The following STPG2 variants were observed in gnomAD, a reference collection of about 807,000 sequenced individuals.
The protein encoded by STPG2 is sperm-tail PG-rich repeat-containing protein 2.
In STPG2, 56 loss-of-function variants were observed where a neutral mutation model predicts 54.2. That is an observed-to-expected ratio of 1.03 (90% CI 0.83 to 1.29). The LOEUF (loss-of-function observed/expected upper bound fraction) is 1.29, where lower values mean the gene tolerates loss of function less well. Among genes scored for constraint, STPG2 ranks in the 50% most tolerant of loss-of-function variants. The pLI, the probability that STPG2 is intolerant of heterozygous loss-of-function variation, is 0.00. For missense variants in STPG2, 596 were observed against 544.9 expected (o/e 1.09, Z -0.93); for synonymous variants, 200 against 181.8 (o/e 1.10, Z -0.81).
intron 3 of STPG2, among the ~76,000 whole-genome samples, chr4:98,112,416 A>C (rs567014289): frequency 6.6e-6 from 1 of 152,204 alleles, no homozygotes; most frequent in African/African-American, 2.4e-5. Flanking sequence ...ATTTGTGTAA[A>C]TATACTCTAT....
intron 9 of STPG2, among the ~76,000 whole-genome samples, chr4:97,801,767 AC>A (rs1248815816): frequency 1.3e-5 from 2 of 152,034 alleles, no homozygotes; most frequent in Admixed American, 6.6e-5. Context: ...GCAGGCCATG[AC>A]CCATTCTCAG....
chr4:98,131,092 T>G (rs1476857098), intron 2 of STPG2, among the ~76,000 whole-genome samples: 1 of 152,048 alleles, frequency 6.6e-6, no homozygotes, highest in Non-Finnish European at 1.5e-5. Flanking sequence ...TTCATGTGGT[T>G]TTTTCTGCAC....
intron 9 of STPG2, among the ~76,000 whole-genome samples, chr4:97,786,774 T>C (rs1352014860): frequency 2.0e-5 from 3 of 152,038 alleles, no homozygotes; most frequent in Non-Finnish European, 4.4e-5. Flanking sequence ...AATGCATTCA[T>C]GCTACACAGG....
chr4:97,780,992 A>G (rs1726585592), intron 9 of STPG2, among the ~76,000 whole-genome samples: 1 of 152,196 alleles, frequency 6.6e-6, no homozygotes, highest in Non-Finnish European at 1.5e-5. Context: ...AAGATCTAAA[A>G]TTGACACCCT....
At chr4:97,939,398 G>A (rs537746174) in intron 8 of STPG2, among the ~76,000 whole-genome samples, 42 of 152,290 alleles carry the variant, frequency 2.8e-4, no homozygotes, top group Non-Finnish European at 4.3e-4. Context: ...GTCTAATACC[G>A]TCAGTGGGGT....
intron 9 of STPG2, among the ~76,000 whole-genome samples, chr4:97,766,180 A>C (rs148510660): frequency 1.1e-4 from 17 of 152,220 alleles, no homozygotes; most frequent in African/African-American, 4.1e-4. Context: ...AGTACCAAAG[A>C]CTTTCCCCAT....
At chr4:97,900,279 G>T (rs1007918893) in intron 8 of STPG2, among the ~76,000 whole-genome samples, 5 of 152,148 alleles carry the variant, frequency 3.3e-5, no homozygotes, top group African/African-American at 1.2e-4. Flanking sequence ...AATAACAGAT[G>T]CTGACAAGGT....
At chr4:97,971,467 C>A (rs934464669) in intron 7 of STPG2, among the ~76,000 whole-genome samples, 1 of 152,104 alleles carries the variant, frequency 6.6e-6, no homozygotes, top group Non-Finnish European at 1.5e-5. Context: ...GAATACTATG[C>A]AGCCATAAAA....
Position 98,143,383 on chromosome 4 carries a change from G to A in STPG2, c.-233C>T. 2.0e-6 allele frequency: 1 copy of A among 506,156 alleles called. No individual in the cohort carries two copies. Among genetic ancestry groups the A allele is most frequent in the East Asian group, 3.3e-5 (1 of 30,188 alleles). The allele number at this position is 506,156 out of a possible 1,614,324, so 31.4% of individuals were successfully genotyped here. A position where few individuals can be genotyped will look rare whatever the true frequency, so the allele number is the denominator to read the frequency against. ...TAAAGTAGAGGGGTGAGCGACTAGA[G>A]ATTAGACGTCCCACACAATCATCAG... On this transcript the variant is annotated 5_prime_UTR_variant, in exon 1 of 11. Transcript: ENST00000295268.
intron 5 of STPG2, among the ~76,000 whole-genome samples, chr4:98,017,186 A>G (rs1051080267): frequency 1.3e-5 from 2 of 152,232 alleles, no homozygotes; most frequent in African/African-American, 4.8e-5. Context: ...GGACAGGCCT[A>G]GAGCGTGGAT....
At chr4:97,593,354 C>T (rs1047818628) in intron 10 of STPG2, among the ~76,000 whole-genome samples, 3 of 152,148 alleles carry the variant, frequency 2.0e-5, no homozygotes, top group Admixed American at 6.5e-5. Flanking sequence ...ACCTCCCCTC[C>T]GACAATGGTG....
At chr4:97,683,928 C>T (rs976432881) in intron 10 of STPG2, among the ~76,000 whole-genome samples, 4 of 151,696 alleles carry the variant, frequency 2.6e-5, no homozygotes, top group Non-Finnish European at 5.9e-5. Flanking sequence ...GGATACAAAA[C>T]ATACACAAAA....
intron 9 of STPG2, among the ~76,000 whole-genome samples, chr4:97,836,580 C>T (rs1437495992): frequency 6.6e-6 from 1 of 151,590 alleles, no homozygotes; most frequent in Admixed American, 6.6e-5. Flanking sequence ...CAAGGTATGC[C>T]TTTATTAATT....
intron 3 of STPG2, among the ~76,000 whole-genome samples, chr4:98,119,589 GT>G (rs1270572061): frequency 1.3e-5 from 2 of 151,842 alleles, no homozygotes; most frequent in Non-Finnish European, 2.9e-5. Flanking sequence ...CTGCATTATG[GT>G]TATAAAAAAG....
chr4:97,513,728 T>G (rs1223015872), intron 4 of STPG2, among the ~76,000 whole-genome samples: 1 of 152,110 alleles, frequency 6.6e-6, no homozygotes. Context: ...TCATCTTCAC[T>G]TCAAAGAAAA....
intron 5 of STPG2, among the ~76,000 whole-genome samples, chr4:98,085,426 A>G (rs1408284527): frequency 2.0e-5 from 3 of 152,112 alleles, no homozygotes; most frequent in African/African-American, 7.2e-5. Flanking sequence ...AACTTCTGCT[A>G]GGAATTTGAT....
At chr4:97,442,775 A>T (rs1178353648) in intron 4 of STPG2, among the ~76,000 whole-genome samples, 1 of 152,178 alleles carries the variant, frequency 6.6e-6, no homozygotes, top group Non-Finnish European at 1.5e-5. Flanking sequence ...ACATATTCTT[A>T]GTTTCTAATG....
intron 10 of STPG2, among the ~76,000 whole-genome samples, chr4:97,679,458 C>G (rs1722958363): frequency 6.6e-6 from 1 of 151,974 alleles, no homozygotes; most frequent in Non-Finnish European, 1.5e-5. Flanking sequence ...CCTTTGCCCA[C>G]TTTTTGATGG....
intron 10 of STPG2, among the ~76,000 whole-genome samples, chr4:97,561,778 A>G (rs1470150491): frequency 2.6e-5 from 4 of 152,114 alleles, no homozygotes; most frequent in Non-Finnish European, 4.4e-5. Flanking sequence ...TCTGGGGGCT[A>G]AGTTCTGTTC....
Sources: allele counts gnomAD v4.1 joint callset (sites outside exome capture counted in the v4.1 genomes callset), GRCh38; gene constraint gnomAD v4.1.1; transcripts MANE v1.5; gene names NCBI Gene and HGNC (gene_info 2026-07-23, HGNC 2026-07-21).